KIRREL3: variants seen among roughly 807,000 people sequenced by gnomAD.
KIRREL3 encodes the protein kin of IRRE-like protein 3.
Under a neutral mutation model 89.7 loss-of-function variants are expected in KIRREL3, and 36 were observed. The ratio of observed to expected loss-of-function variants is 0.40; its 90% CI spans 0.31 to 0.53. The LOEUF (loss-of-function observed/expected upper bound fraction) is 0.53. Among genes scored for constraint, KIRREL3 ranks in the 20% least tolerant of loss-of-function variants. The pLI is 0.49. For missense variants in KIRREL3, 864 were observed against 1,056.6 expected (o/e 0.82, Z 2.53); for synonymous variants, 445 against 441.4 (o/e 1.01, Z -0.10).
chr11:126,728,941 C>T (rs1260820979), intron 1 of KIRREL3, among the ~76,000 whole-genome samples: 6 of 152,246 alleles, frequency 3.9e-5, no homozygotes, highest in East Asian at 1.9e-4. Flanking sequence ...CCAAAGCTTT[C>T]GGGGCAGAGG....
intron 1 of KIRREL3, among the ~76,000 whole-genome samples, chr11:126,658,723 C>A (rs1033253582): frequency 6.6e-6 from 1 of 152,162 alleles, no homozygotes; most frequent in Non-Finnish European, 1.5e-5. Context: ...CTTCTTGTTG[C>A]CTCTAGGCTT....
intron 1 of KIRREL3, among the ~76,000 whole-genome samples, chr11:126,662,945 C>G (rs1263284426): frequency 2.3e-5 from 2 of 86,390 alleles, no homozygotes; most frequent in Non-Finnish European, 4.2e-5. Context: ...CTCTCTGATT[C>G]TTACTCATGT....
chr11:126,491,948 C>T lies in KIRREL3; in HGVS notation c.434-18482G>A, dbSNP rs1319657341. The stretch of plus-strand genomic sequence containing the variant: ...AACTCCAGACCTCAAGTGATCCTCC[C>T]GCATCAGCTTCCCAAAGTGCTAGGA... On this transcript the variant is annotated intron_variant, in intron 4 of 16. Transcript: ENST00000525144. This position sits in a 1 kb window ranked among gnomAD's most constrained non-coding sequence, Gnocchi z 5.5. 1.1e-4 allele frequency among the ~76,000 whole-genome samples: 16 copies of T among 152,224 alleles called. No homozygotes were observed. The East Asian group carries it at 1.2e-3, about 11-fold the overall frequency.
At position 126,445,027 on chromosome 11, in the gene KIRREL3, C is replaced by G; in HGVS notation, c.1204G>C (p.Val402Leu). ...CTCTCCCCGGCTCCCACACGGGGCA[C>G]CACAGCCCGGCACACGTACTTGCCC... is the stretch of plus-strand genomic sequence containing the variant. ...DAGKYVCRAVVPRVGAGEREV... is the reference protein window; with the variant it reads ...DAGKYVCRAVLPRVGAGEREV... The change falls in exon 10 of 17, where the codon GTG becomes CTG. Residue 402 changes from valine (V) to leucine (L), a missense_variant. By Grantham distance (32) the Val-to-Leu change is conservative (BLOSUM62 1). Coordinates refer to ENST00000525144, the MANE Select transcript of KIRREL3 (RefSeq NM_032531.4). 1 of 1,614,000 alleles carries G rather than the reference C, an allele frequency of 6.2e-7. No individual in the cohort carries two copies.
intron 7 of KIRREL3, among the ~76,000 whole-genome samples, chr11:126,453,940 A>T (rs1357826963): frequency 2.0e-5 from 3 of 152,174 alleles, no homozygotes; most frequent in African/African-American, 7.2e-5. Flanking sequence ...TGTGAGCTCC[A>T]GGGGAGTACG....
At chr11:126,745,696 C>A (rs915547769) in intron 1 of KIRREL3, among the ~76,000 whole-genome samples, 1 of 152,174 alleles carries the variant, frequency 6.6e-6, no homozygotes, top group Non-Finnish European at 1.5e-5. Flanking sequence ...AGCTTCACCC[C>A]CTTGGTGCTG....
intron 1 of KIRREL3, chr11:126,936,039 C>T (rs997620430): frequency 3.9e-5 from 6 of 152,120 alleles, no homozygotes; most frequent in African/African-American, 1.4e-4. Flanking sequence ...GAGCCTAAAG[C>T]TGCTCTAAAA....
At chr11:126,545,892 T>A (rs1322522513) in intron 2 of KIRREL3, among the ~76,000 whole-genome samples, 1 of 152,206 alleles carries the variant, frequency 6.6e-6, no homozygotes. Flanking sequence ...GCAAGGGCCA[T>A]TTAATGTAGA....
chr11:126,638,798 G>A (rs554232227), intron 1 of KIRREL3, among the ~76,000 whole-genome samples: 2 of 152,240 alleles, frequency 1.3e-5, no homozygotes, highest in African/African-American at 2.4e-5. Context: ...TGGAGGAATC[G>A]CTATGTGAAA....
chr11:126,676,963 T>A lies in KIRREL3; in HGVS notation c.56-114051A>T, dbSNP rs913951676. ...CCACACCACGCTAATTTTTAAAAAA[T>A]TTTTTGTAGAGACAGGGTCTTGCTG... On this transcript the variant is annotated intron_variant, in intron 1 of 16. Transcript: ENST00000525144. The surrounding 1 kb of genome is among the most constrained non-coding windows in gnomAD (Gnocchi z 4.5). Among the ~76,000 whole-genome samples the A allele has an allele frequency of 6.6e-6, 1 of 150,486 alleles. No individual in the cohort carries two copies. Among genetic ancestry groups the A allele is most frequent in the Admixed American group, 6.6e-5 (1 of 15,172 alleles).
At chr11:126,478,649 GTA>G (rs1448263907) in intron 4 of KIRREL3, among the ~76,000 whole-genome samples, 6 of 129,060 alleles carry the variant, frequency 4.6e-5, no homozygotes, top group African/African-American at 3.0e-4. Flanking sequence ...ATGTGTGTAT[GTA>G]TGTGTATATG....
At chr11:126,762,970 TG>T (rs1324626452) in intron 1 of KIRREL3, among the ~76,000 whole-genome samples, 1 of 152,188 alleles carries the variant, frequency 6.6e-6, no homozygotes, top group Non-Finnish European at 1.5e-5. Flanking sequence ...TGGTTGTGGC[TG>T]ACAGCTGTGG....
intron 1 of KIRREL3, among the ~76,000 whole-genome samples, chr11:126,745,654 T>A (rs1949124289): frequency 6.6e-6 from 1 of 152,130 alleles, no homozygotes; most frequent in African/African-American, 2.4e-5. Context: ...AGAAAAAAGG[T>A]ATTCAGGTAG....
At position 126,656,925 on chromosome 11, in the gene KIRREL3, G is replaced by C. The variant is rs1945166293; in HGVS notation, c.56-94013C>G. ...GGGTTGGCTGGGCATGGTGGTGTGT[G>C]CTTGTGGTCCTGGCTGCTTGGGAGG... On this transcript the variant is annotated intron_variant, in intron 1 of 16. Transcript: ENST00000525144. The surrounding 1 kb of genome is among the most constrained non-coding windows in gnomAD (Gnocchi z 4.0). Among the ~76,000 whole-genome samples the C allele has an allele frequency of 6.6e-6, 1 of 152,006 alleles. No homozygotes were observed. Among genetic ancestry groups the C allele is most frequent in the African/African-American group, 2.4e-5 (1 of 41,364 alleles).
chr11:126,561,215 G>A lies in KIRREL3; in HGVS notation c.133+1620C>T, dbSNP rs1021877481. On this transcript the variant is annotated intron_variant, in intron 2 of 16. Transcript: ENST00000525144. The surrounding 1 kb of genome is among the most constrained non-coding windows in gnomAD (Gnocchi z 4.5). The stretch of plus-strand genomic sequence containing the variant: ...CTCCAGAGCCAAAGCTGACCCACCT[G>A]TGTCTCTCCTCTGCCCCACTGCCTC... 1.3e-5 allele frequency among the ~76,000 whole-genome samples: 2 copies of A among 152,140 alleles called. No individual in the cohort carries two copies. The highest frequency in any genetic ancestry group is 2.9e-5 in the Non-Finnish European group (2 of 68,024).
Position 126,653,065 on chromosome 11 carries a change from G to C in KIRREL3, c.56-90153C>G, listed in dbSNP as rs1018211485. 1.1e-4 allele frequency: 17 copies of C among 152,182 alleles called. No individual in the cohort carries two copies. The highest frequency in any genetic ancestry group is 3.6e-4 in the African/African-American group (15 of 41,432). The allele number at this position is 152,182 out of a possible 1,614,324, so 9.4% of individuals were successfully genotyped here. A position where few individuals can be genotyped will look rare whatever the true frequency, so the allele number is the denominator to read the frequency against. On this transcript the variant is annotated intron_variant, in intron 1 of 16. Coordinates refer to ENST00000525144, the MANE Select transcript of KIRREL3 (RefSeq NM_032531.4). This position sits in a 1 kb window ranked among gnomAD's most constrained non-coding sequence, Gnocchi z 5.4. ...GTGGGGGTGGGGGAGGGGAAAAAGA[G>C]AGCAGGTATAATAAAGCTTATGCCA...
chr11:126,586,481 G>A (rs1941864195), intron 1 of KIRREL3, among the ~76,000 whole-genome samples: 3 of 151,826 alleles, frequency 2.0e-5, no homozygotes, highest in African/African-American at 4.8e-5. Flanking sequence ...CACATACCCC[G>A]CCCTCTTTCT....
intron 1 of KIRREL3, among the ~76,000 whole-genome samples, chr11:126,733,355 A>G (rs1048735096): frequency 2.4e-4 from 36 of 152,292 alleles, no homozygotes; most frequent in African/African-American, 7.9e-4. Context: ...AGAGAGGTGC[A>G]TCGTAAGCTC....
intron 1 of KIRREL3, among the ~76,000 whole-genome samples, chr11:126,942,144 T>C (rs1044833384): frequency 2.6e-5 from 4 of 152,210 alleles, no homozygotes; most frequent in Non-Finnish European, 5.9e-5. Context: ...CGTACGCCCA[T>C]GAAGCCCTGC....
Sources: gnomAD v4.1 joint callset for allele counts (sites outside exome capture counted in the v4.1 genomes callset) on GRCh38, gnomAD v4.1.1 for gene constraint, Gnocchi (gnomAD v3.1) non-coding constraint, MANE v1.5 for transcripts, NCBI Gene and HGNC (gene_info 2026-07-23, HGNC 2026-07-21) for gene names.